The following CSGALNACT1 variants were observed in gnomAD, a reference collection of about 807,000 sequenced individuals.
CSGALNACT1 encodes the protein beta4GalNAcT-1.
A neutral mutation model predicts 51.0 loss-of-function variants in CSGALNACT1; 52 were observed. The observed-to-expected ratio is 1.02, with a 90% CI of 0.82 to 1.29. The LOEUF is 1.29. CSGALNACT1 is among the 50% of genes most tolerant of loss of function. The probability of loss-of-function intolerance (pLI) is 0.00; values close to 1 mark genes in which losing one functional copy is unlikely to be tolerated. For synonymous variants in CSGALNACT1, 341 were observed against 254.4 expected (o/e 1.34, Z -3.24); for missense variants, 935 against 679.2 (o/e 1.38, Z -4.19).
intron 4 of CSGALNACT1, among the ~76,000 whole-genome samples, chr8:19,478,727 A>G (rs886562792): frequency 2.6e-5 from 4 of 152,180 alleles, no homozygotes; most frequent in Non-Finnish European, 5.9e-5. Flanking sequence ...CCACTGCTGA[A>G]TTGCTCCACT....
intron 3 of CSGALNACT1, among the ~76,000 whole-genome samples, chr8:19,536,475 C>T (rs372736412): frequency 2.0e-4 from 31 of 152,002 alleles, no homozygotes; most frequent in Middle Eastern, 3.4e-3. Flanking sequence ...TATGTACATG[C>T]CTTATGTGCT....
At chr8:19,452,130 A>T (rs974018787) in intron 5 of CSGALNACT1, among the ~76,000 whole-genome samples, 9 of 152,262 alleles carry the variant, frequency 5.9e-5, no homozygotes, top group Admixed American at 5.2e-4. Flanking sequence ...GTGGAGACCA[A>T]GGAAAGAAAT....
intron 4 of CSGALNACT1, among the ~76,000 whole-genome samples, chr8:19,461,603 C>A (rs1456786989): frequency 8.0e-6 from 1 of 125,528 alleles, no homozygotes; most frequent in Admixed American, 7.7e-5. Flanking sequence ...ATCCGCACAG[C>A]GGCCACATTC....
At chr8:19,675,463 T>A (rs938271659) in intron 1 of CSGALNACT1, among the ~76,000 whole-genome samples, 1 of 152,148 alleles carries the variant, frequency 6.6e-6, no homozygotes, top group South Asian at 2.1e-4. Context: ...AGGAGAGAGC[T>A]GGAGAGAGAG....
intron 3 of CSGALNACT1, among the ~76,000 whole-genome samples, chr8:19,565,339 C>T (rs1191396565): frequency 6.6e-6 from 1 of 152,182 alleles, no homozygotes; most frequent in African/African-American, 2.4e-5. Context: ...CTGGCATAAA[C>T]TGTCACCTCT....
intron 3 of CSGALNACT1, among the ~76,000 whole-genome samples, chr8:19,590,178 C>T (rs2154132262): frequency 6.6e-6 from 1 of 152,290 alleles, no homozygotes; most frequent in East Asian, 1.9e-4. Flanking sequence ...ATTTGAGTGG[C>T]TGTGGGCGAC....
intron 3 of CSGALNACT1, among the ~76,000 whole-genome samples, chr8:19,509,564 A>G (rs11204052): frequency 0.38 from 56,499 of 147,242 alleles, 10,873 homozygotes; most frequent in African/African-American, 0.43. Context: ...AGAGGTTGCA[A>G]TGAGCTGAGA....
chr8:19,506,063 A>C lies in CSGALNACT1; in HGVS notation c.-229T>G. ...CAGGCAGAAGCAATGACTGAAGTGA[A>C]ATCTCCAAGTTTTCACCTTCATTCC... On this transcript the variant is annotated 5_prime_UTR_variant, in exon 4 of 10. It adds an upstream start codon to the 5' untranslated region. Coordinates refer to ENST00000454498, the Ensembl canonical transcript of CSGALNACT1. 1 of 686,544 alleles carries C rather than the reference A, an allele frequency of 1.5e-6. No homozygotes were observed. The highest frequency in any genetic ancestry group is 2.6e-6 in the Non-Finnish European group (1 of 377,822). 42.5% of individuals were successfully genotyped at this position (686,544 alleles called of 1,614,324 possible). A position where few individuals can be genotyped will look rare whatever the true frequency, so the allele number is the denominator to read the frequency against.
At chr8:19,531,190 G>C (rs1333705060) in intron 3 of CSGALNACT1, among the ~76,000 whole-genome samples, 3 of 152,176 alleles carry the variant, frequency 2.0e-5, no homozygotes, top group Admixed American at 1.3e-4. Context: ...TTCCACCAAG[G>C]GAGGCAGATA....
intron 1 of CSGALNACT1, among the ~76,000 whole-genome samples, chr8:19,667,003 GAAAGAAAGAAAGAAA>G (rs2059369065): frequency 3.5e-5 from 1 of 28,602 alleles, no homozygotes. Flanking sequence ...AAGAAAGAAA[GAAAGAAAGAAAGAAA>G]GGAAGGAAGG....
chr8:19,753,270 T>C (rs1194558226), intron 1 of CSGALNACT1, among the ~76,000 whole-genome samples: 1 of 152,170 alleles, frequency 6.6e-6, no homozygotes, highest in African/African-American at 2.4e-5. Flanking sequence ...AGGGAAATGA[T>C]ATTTAAAATG....
chr8:19,569,098 G>C (rs114502773), intron 3 of CSGALNACT1, among the ~76,000 whole-genome samples: 1 of 152,242 alleles, frequency 6.6e-6, no homozygotes, highest in African/African-American at 2.4e-5. Flanking sequence ...GAAAAGAAAT[G>C]AGAGAGCTTT....
chr8:19,417,795 G>C (rs1269657867), intron 8 of CSGALNACT1, among the ~76,000 whole-genome samples: 1 of 152,180 alleles, frequency 6.6e-6, no homozygotes, highest in African/African-American at 2.4e-5. Context: ...AAAAATCACA[G>C]CCCAACTTGA....
At chr8:19,463,905 C>G (rs924499101) in intron 4 of CSGALNACT1, among the ~76,000 whole-genome samples, 4 of 152,148 alleles carry the variant, frequency 2.6e-5, no homozygotes, top group African/African-American at 9.7e-5. Context: ...GTAATCTATT[C>G]ACACAAATGT....
intron 1 of CSGALNACT1, among the ~76,000 whole-genome samples, chr8:19,619,199 C>T (rs2154158826): frequency 7.8e-6 from 1 of 128,752 alleles, no homozygotes; most frequent in East Asian, 2.6e-4. Context: ...GGTAGGAGTG[C>T]AGGTGAGGTA....
At chr8:19,565,675 T>G (rs1259758834) in intron 3 of CSGALNACT1, among the ~76,000 whole-genome samples, 2 of 152,152 alleles carry the variant, frequency 1.3e-5, no homozygotes, top group Admixed American at 1.3e-4. Context: ...TCCCAGCACT[T>G]TGGGAGGCCA....
At chr8:19,685,436 C>A (rs182814343), upstream of CSGALNACT1, among the ~76,000 whole-genome samples, 1 of 152,074 alleles carries the variant, frequency 6.6e-6, no homozygotes, top group African/African-American at 2.4e-5. Flanking sequence ...CAGTGAGTCA[C>A]GATTGCACCA....
At chr8:19,646,462 G>T (rs1366916248) in intron 1 of CSGALNACT1, among the ~76,000 whole-genome samples, 1 of 152,180 alleles carries the variant, frequency 6.6e-6, no homozygotes, top group African/African-American at 2.4e-5. Context: ...CATGAAAACG[G>T]ATCATAATTA....
chr8:19,502,510 G>C (rs963332155), intron 4 of CSGALNACT1, among the ~76,000 whole-genome samples: 4 of 152,134 alleles, frequency 2.6e-5, no homozygotes, highest in Non-Finnish European at 5.9e-5. Context: ...TAAATACAAA[G>C]AATCCCCATC....
Sources: allele counts gnomAD v4.1 joint callset (sites outside exome capture counted in the v4.1 genomes callset), GRCh38; gene constraint gnomAD v4.1.1; transcripts MANE v1.5; gene names NCBI Gene and HGNC (gene_info 2026-07-23, HGNC 2026-07-21).